The following FRMPD4 variants were observed in gnomAD, a reference collection of about 807,000 sequenced individuals.
FRMPD4 encodes the protein FERM and PDZ domain containing 4.
Under a neutral mutation model 94.1 loss-of-function variants are expected in FRMPD4, and 22 were observed. The ratio of observed to expected loss-of-function variants is 0.23; its 90% CI spans 0.17 to 0.33. The LOEUF (loss-of-function observed/expected upper bound fraction) is 0.33, where lower values mean the gene tolerates loss of function less well. Among genes scored for constraint, FRMPD4 ranks in the 10% least tolerant of loss-of-function variants. The pLI is 1.00. For synonymous variants in FRMPD4, 631 were observed against 548.6 expected (o/e 1.15, Z -2.10); for missense variants, 1,111 against 1,339.9 (o/e 0.83, Z 2.67).
intron 3 of FRMPD4, among the ~76,000 whole-genome samples, chrX:12,095,877 G>A (rs1456337942): frequency 8.9e-6 from 1 of 112,170 alleles, no homozygotes; most frequent in African/African-American, 3.2e-5. Context: ...CCTCTCTGTT[G>A]TGCCTTAGTG....
At chrX:12,416,219 C>T (rs960082679) in intron 1 of FRMPD4, among the ~76,000 whole-genome samples, 2 of 110,001 alleles carry the variant, frequency 1.8e-5, no homozygotes, top group Admixed American at 1.9e-4. Context: ...CTCCTTCCTT[C>T]TTTTTTCTTT....
chrX:12,630,048 C>T (rs2059381692), intron 4 of FRMPD4, among the ~76,000 whole-genome samples: 1 of 112,529 alleles, frequency 8.9e-6, no homozygotes, highest in Non-Finnish European at 1.9e-5. Context: ...GTGAACTTGA[C>T]TTTGGGGACA....
intron 1 of FRMPD4, among the ~76,000 whole-genome samples, chrX:11,830,819 T>A (rs1254981550): frequency 9.0e-6 from 1 of 110,959 alleles, no homozygotes; most frequent in Admixed American, 9.7e-5. Flanking sequence ...CAAATAGTAA[T>A]TTGTCGTTTG....
intron 2 of FRMPD4, among the ~76,000 whole-genome samples, chrX:12,513,267 T>C (rs1020047113): frequency 8.9e-6 from 1 of 112,370 alleles, no homozygotes; most frequent in African/African-American, 3.2e-5. Context: ...TTGATTTTGA[T>C]GTTTCCATCA....
intron 3 of FRMPD4, among the ~76,000 whole-genome samples, chrX:11,922,900 C>T (rs1311995739): frequency 8.9e-6 from 1 of 112,902 alleles, no homozygotes; most frequent in Non-Finnish European, 1.9e-5. Context: ...GCAGGTCTGA[C>T]CTGAGCACCC....
intron 1 of FRMPD4, among the ~76,000 whole-genome samples, chrX:12,204,990 C>CTCTGGGT (rs1194729285): frequency 9.1e-6 from 1 of 109,711 alleles, no homozygotes; most frequent in African/African-American, 3.3e-5. Flanking sequence ...GGAGTCACCT[C>CTCTGGGT]TCTGGGTTCT....
chrX:12,507,745 T>A (rs1028388549), intron 2 of FRMPD4, among the ~76,000 whole-genome samples: 6 of 112,108 alleles, frequency 5.4e-5, no homozygotes, highest in African/African-American at 1.9e-4. Context: ...AGTTCTTGCA[T>A]AGCTCTGACA....
intron 3 of FRMPD4, among the ~76,000 whole-genome samples, chrX:11,968,085 A>T (rs752285313): frequency 9.0e-6 from 1 of 110,612 alleles, no homozygotes; most frequent in African/African-American, 3.3e-5. Context: ...GCAGTAGGCT[A>T]TTTTCCCAGT....
At chrX:12,027,435 A>G (rs1228166765) in intron 3 of FRMPD4, among the ~76,000 whole-genome samples, 1 of 112,242 alleles carries the variant, frequency 8.9e-6, no homozygotes, top group African/African-American at 3.2e-5. Flanking sequence ...GATGTGAGTG[A>G]GTAATCTGTG....
intron 3 of FRMPD4, among the ~76,000 whole-genome samples, chrX:12,097,109 C>T (rs1297276609): frequency 3.6e-5 from 4 of 111,990 alleles, no homozygotes; most frequent in Non-Finnish European, 5.6e-5. Context: ...AATTGATATA[C>T]CCATATACAA....
At chrX:12,284,170 A>C (rs886098500) in intron 1 of FRMPD4, among the ~76,000 whole-genome samples, 5 of 111,847 alleles carry the variant, frequency 4.5e-5, no homozygotes, top group Non-Finnish European at 9.4e-5. Flanking sequence ...TTATTTCTGG[A>C]AACTTTGGGG....
intron 1 of FRMPD4, among the ~76,000 whole-genome samples, chrX:12,208,199 A>T (rs1226744567): frequency 9.0e-6 from 1 of 111,414 alleles, no homozygotes; most frequent in Non-Finnish European, 1.9e-5. Flanking sequence ...TATACAACGT[A>T]TTATCAATAA....
intron 4 of FRMPD4, among the ~76,000 whole-genome samples, chrX:12,615,495 G>A (rs1201749970): frequency 8.9e-6 from 1 of 111,841 alleles, no homozygotes; most frequent in East Asian, 2.8e-4. Flanking sequence ...AAAAATATTG[G>A]TCAAGAATCC....
Position 12,418,373 on chromosome X carries a change from T to C in FRMPD4, c.42-80307T>C, listed in dbSNP as rs1467016019. Among the ~76,000 whole-genome samples the C allele has an allele frequency of 9.7e-5, 10 of 103,587 alleles. 1 individual carries two copies. Among genetic ancestry groups the C allele is most frequent in the Admixed American group, 2.1e-4 (2 of 9,707 alleles). The allele number at this position is 103,587 out of a possible 115,157, so 90.0% of individuals were successfully genotyped here. A position where few individuals can be genotyped will look rare whatever the true frequency, so the allele number is the denominator to read the frequency against. On this transcript the variant is annotated intron_variant, in intron 1 of 16. Coordinates refer to ENST00000675598, the MANE Select transcript of FRMPD4 (RefSeq NM_001368397.1). ...TTCTTTTTTTTTTTTTTTTTTCTTT[T>C]TTTGAGATAGAGTCTCGCTCTGTTG...
intron 5 of FRMPD4, among the ~76,000 whole-genome samples, chrX:12,679,089 C>A (rs747238441): frequency 8.9e-6 from 1 of 112,413 alleles, no homozygotes; most frequent in Admixed American, 9.4e-5. Context: ...AGAGCCCAGA[C>A]CATATGTCAT....
chrX:12,042,737 G>A lies in FRMPD4; in HGVS notation c.95+164719G>A, dbSNP rs1169359253. 8.9e-5 allele frequency among the ~76,000 whole-genome samples: 10 copies of A among 111,806 alleles called. No homozygotes were observed. The East Asian group carries it at 2.2e-3, about 25-fold the overall frequency. ...TGGAGAGCTTTTCTTGTACTTCTAA[G>A]GTGATATCATTTCCAGAACCATGTC... On this transcript the variant is annotated intron_variant, in intron 3 of 18. Coordinates refer to the FRMPD4 transcript ENST00000640291.
chrX:12,413,016 A>G (rs1045513811), intron 1 of FRMPD4, among the ~76,000 whole-genome samples: 2 of 110,968 alleles, frequency 1.8e-5, no homozygotes, highest in Admixed American at 9.5e-5. Context: ...TGTATGTGCC[A>G]TGCACTTTAT....
chrX:12,355,261 G>A (rs767299330), intron 1 of FRMPD4, among the ~76,000 whole-genome samples: 3 of 109,387 alleles, frequency 2.7e-5, no homozygotes, highest in Non-Finnish European at 3.8e-5. Flanking sequence ...CGGCAGCCTC[G>A]ACCTCCTGGG....
At chrX:11,852,962 C>T (rs775482318) in intron 1 of FRMPD4, among the ~76,000 whole-genome samples, 10 of 112,122 alleles carry the variant, frequency 8.9e-5, no homozygotes, top group Non-Finnish European at 1.3e-4. Flanking sequence ...TTCTCTTCAT[C>T]GCCTTGTGGT....
Sources: gnomAD v4.1 joint callset for allele counts (sites outside exome capture counted in the v4.1 genomes callset) on GRCh38, gnomAD v4.1.1 for gene constraint, MANE v1.5 for transcripts, NCBI Gene and HGNC (gene_info 2026-07-23, HGNC 2026-07-21) for gene names.